HRG: variants seen among roughly 807,000 people sequenced by gnomAD.
HRG encodes the protein histidine rich glycoprotein, also known as histidine-rich glycoprotein.
HRG carries 26 observed loss-of-function variants against 29.5 expected under a neutral mutation model. The observed-to-expected ratio is 0.88, with a 90% confidence interval of 0.65 to 1.22. HRG has a LOEUF of 1.22. HRG is among the 50% of genes most tolerant of loss of function. HRG has a pLI of 0.00. For missense variants in HRG, 671 were observed against 654.5 expected (o/e 1.03, Z -0.28); for synonymous variants, 243 against 240.4 (o/e 1.01, Z -0.10).
intron 6 of HRG, among the ~76,000 whole-genome samples, chr3:186,676,038 T>G (rs1349152105): frequency 1.3e-5 from 2 of 151,980 alleles, no homozygotes; most frequent in East Asian, 3.9e-4. Flanking sequence ...CCTGGCTAAT[T>G]TTGCATTTTT....
intron 6 of HRG, among the ~76,000 whole-genome samples, chr3:186,676,290 T>C (rs1718986311): frequency 6.6e-6 from 1 of 152,098 alleles, no homozygotes; most frequent in Non-Finnish European, 1.5e-5. Flanking sequence ...ATATCAGTTA[T>C]AAGGCACTAG....
chr3:186,677,050 C>G lies in HRG; in HGVS notation c.745C>G (p.His249Asp). 1.2e-6 allele frequency: 2 copies of G among 1,614,074 alleles called. No individual in the cohort carries two copies. The highest frequency in any genetic ancestry group is 1.7e-6 in the Non-Finnish European group (2 of 1,179,940). Reference protein sequence around the residue: ...INCEVFDPQEHENINGVPPHL... With the variant: ...INCEVFDPQEDENINGVPPHL... ...ACTTTTCTGTGACCTTTTCCAGGAA[C>G]ATGAGAACATCAATGGTGTACCGCC... The change falls in exon 7 of 7, where the codon CAT (histidine) becomes GAT (aspartate). Residue 249 changes from histidine (H) to aspartate (D), a missense_variant. Coordinates refer to ENST00000232003, the MANE Select transcript of HRG (RefSeq NM_000412.5).
At chr3:186,676,888 A>G (rs1415315784) in intron 6 of HRG, 159 bp from the exon 7 acceptor site, 3 of 235,868 alleles carry the variant, frequency 1.3e-5, no homozygotes, top group African/African-American at 4.6e-5. Context: ...TTAAATATCA[A>G]CTGGGCTAGA....
intron 3 of HRG, among the ~76,000 whole-genome samples, chr3:186,670,300 C>T (rs1041307387): frequency 6.6e-6 from 1 of 152,040 alleles, no homozygotes; most frequent in Non-Finnish European, 1.5e-5. Context: ...GTAGGTTAGC[C>T]TCATTATAGA....
chr3:186,677,836 G>A lies in HRG; in HGVS notation c.1531G>A (p.Gly511Arg), dbSNP rs750006098. ...SESCPGKFKSGFPQVSMFFTH... is the reference protein window; with the variant it reads ...SESCPGKFKSRFPQVSMFFTH... Reference sequence around the variant, plus strand: ...ATCATGTCCAGGGAAGTTCAAGAGTGGGTTTCCACAAGTTTCCATGTTTTT... The same window carrying A: ...ATCATGTCCAGGGAAGTTCAAGAGTAGGTTTCCACAAGTTTCCATGTTTTT... The change falls in exon 7 of 7, where the codon GGG (glycine) becomes AGG (arginine). Residue 511 changes from glycine (G) to arginine (R), a missense_variant. By Grantham distance (125) the Gly-to-Arg change is moderately radical. Transcript: ENST00000232003. 6.2e-7 allele frequency: 1 copy of A among 1,614,064 alleles called. No homozygotes were observed. The highest frequency in any genetic ancestry group is 1.1e-5 in the South Asian group (1 of 91,074).
rs10770 is a variant in HRG, at chr3:186,671,770, T to C, written c.539T>C (p.Ile180Thr). 202,863 of 1,613,262 alleles carry C rather than the reference T, an allele frequency of 0.13. 13,574 individuals are homozygous for C. Among genetic ancestry groups the C allele is most frequent in the African/African-American group, 0.22 (16,439 of 74,896 alleles). Residue 180 changes from isoleucine to threonine, a missense_variant, in exon 4 of 7, where the codon ATC (isoleucine) becomes ACC (threonine). Ile to Thr is a moderately conservative substitution (Grantham distance 89). Coordinates refer to ENST00000232003, the MANE Select transcript of HRG (RefSeq NM_000412.5). Reference sequence around the variant, plus strand: ...TTTGCCTCTTTCAGAGTGGACCGAATCGAGAGAGTTGCAAGAGTGGTGAGT... The same window carrying C: ...TTTGCCTCTTTCAGAGTGGACCGAACCGAGAGAGTTGCAAGAGTGGTGAGT... The part of the protein sequence containing the change: ...DDFASFRVDR[I>T]ERVARVRGGE...
chr3:186,672,489 A>G (rs1718833235), intron 4 of HRG, among the ~76,000 whole-genome samples: 2 of 152,198 alleles, frequency 1.3e-5, no homozygotes, highest in Admixed American at 1.3e-4. Context: ...TCGAAGAGGA[A>G]ACACATCAAA....
intron 6 of HRG, 90 bp downstream of exon 6, chr3:186,675,280 AGT>A (rs1167538681): frequency 1.7e-6 from 1 of 573,048 alleles, no homozygotes; most frequent in East Asian, 4.3e-5. Flanking sequence ...AAGCTCTATG[AGT>A]GGGTGTGTGT....
chr3:186,673,258 C>T (rs1718864776), intron 5 of HRG: 2 of 307,996 alleles, frequency 6.5e-6, no homozygotes, highest in Non-Finnish European at 1.3e-5. Context: ...CATGCACCAC[C>T]ACGCCCAGCT....
rs1395108947 is a variant in HRG at position 186,666,247 on chromosome 3, G to A, written c.183+33G>A. 5.6e-6 allele frequency: 9 copies of A among 1,609,008 alleles called. No individual in the cohort carries two copies. The Admixed American group carries it at 1.3e-4, about 24-fold the overall frequency. ...ATTGCCAATGGCAGAGCTGAGTTGG[G>A]AGATTACTCACGGGGGCAAATGTGA... On this transcript the variant is annotated intron_variant, in intron 1 of 6. Transcript: ENST00000232003.
At chr3:186,669,864 TG>T (rs1447267683) in intron 2 of HRG, 73 bp from the exon 3 acceptor site, 1 of 795,668 alleles carries the variant, frequency 1.3e-6, no homozygotes, top group African/African-American at 1.7e-5. Flanking sequence ...ATCACCTTTT[TG>T]CTCTTTCATA....
rs745975225 is a variant in HRG, at chr3:186,671,801, C to T, written c.558+12C>T. On this transcript the variant is annotated intron_variant, in intron 4 of 6. Transcript: ENST00000232003. ...GAGTTGCAAGAGTGGTGAGTCTCCACTAAGGTTCGGTTGGAGTCTGAAGGC... is the reference window on the plus strand; with the variant it reads ...GAGTTGCAAGAGTGGTGAGTCTCCATTAAGGTTCGGTTGGAGTCTGAAGGC... 1.2e-6 allele frequency: 2 copies of T among 1,613,152 alleles called. No individual in the cohort carries two copies. The highest frequency in any genetic ancestry group is 2.7e-5 in the African/African-American group (2 of 74,984).
rs1039481155 is a variant in HRG, at chr3:186,677,522, C to A, written c.1217C>A (p.Pro406His). ...GGACACCATCCCCATGGACACCATC[C>A]CCACTGCCATGATTTCCAAGACTAT... ...PHGHHPHGHH[P>H]HCHDFQDYGP... is the part of the protein sequence containing the mutation. The change falls in exon 7 of 7, where the codon CCC (proline) becomes CAC (histidine). Residue 406 changes from proline to histidine, a missense_variant. By Grantham distance (77) the Pro-to-His change is moderately conservative. Coordinates refer to ENST00000232003, the MANE Select transcript of HRG (RefSeq NM_000412.5). 1.2e-6 allele frequency: 2 copies of A among 1,609,658 alleles called. No individual in the cohort carries two copies. The highest frequency in any genetic ancestry group is 2.7e-5 in the African/African-American group (2 of 74,914).
Position 186,669,137 on chromosome 3 carries a change from C to T in HRG, c.300+86C>T, listed in dbSNP as rs1054526480. Reference sequence around the variant, plus strand: ...CACTCAGCCAATGCCTGGGCTAACACAGTAGAAGAGAAAGGGCAGCTTTTG... The same window carrying T: ...CACTCAGCCAATGCCTGGGCTAACATAGTAGAAGAGAAAGGGCAGCTTTTG... On this transcript the variant is annotated intron_variant, in intron 2 of 6. Transcript: ENST00000232003. 4 of 832,284 alleles carry T rather than the reference C, an allele frequency of 4.8e-6. No individual in the cohort carries two copies. In the Admixed American group the frequency reaches 6.8e-5, roughly 14 times the overall value. The allele number at this position is 832,284 out of a possible 1,614,324, so 51.6% of individuals were successfully genotyped here.
chr3:186,668,527 T>C (rs1718681288), intron 1 of HRG: 5 of 207,836 alleles, frequency 2.4e-5, no homozygotes, highest in Admixed American at 5.3e-5. Flanking sequence ...GGATTTAGCT[T>C]TGGGCAAAGC....
intron 6 of HRG, among the ~76,000 whole-genome samples, chr3:186,676,534 G>A (rs1718996302): frequency 6.6e-6 from 1 of 151,810 alleles, no homozygotes; most frequent in African/African-American, 2.4e-5. Flanking sequence ...CAGCACTTTG[G>A]GAAGCTGAGA....
Position 186,678,040 on chromosome 3 carries a change from G to T in HRG, c.*157G>T. 1.4e-6 allele frequency: 1 copy of T among 729,634 alleles called. No homozygotes were observed. Among genetic ancestry groups the T allele is most frequent in the Non-Finnish European group, 2.3e-6 (1 of 441,444 alleles). 45.2% of individuals were successfully genotyped at this position (729,634 alleles called of 1,614,324 possible). Reference sequence around the variant, plus strand: ...GGAAAAGAGATGGCCTGAGAAGAGAGATCAAATGGAAAGGAGAGGAAAGAA... The same window carrying T: ...GGAAAAGAGATGGCCTGAGAAGAGATATCAAATGGAAAGGAGAGGAAAGAA... On this transcript the variant is annotated 3_prime_UTR_variant, in exon 7 of 7. Transcript: ENST00000232003.
At position 186,675,088 on chromosome 3, in the gene HRG, G is replaced by T; in HGVS notation, c.640-1G>T. The T allele has an allele frequency of 6.2e-7, 1 of 1,607,964 alleles. No homozygotes were observed. The highest frequency in any genetic ancestry group is 1.1e-5 in the South Asian group (1 of 90,942). Reference sequence around the variant, plus strand: ...ACTAACAGCTCCTCATTCCTTTGTAGGTCTTTGGATTCTGCAGAGCAGATT... The same window carrying T: ...ACTAACAGCTCCTCATTCCTTTGTATGTCTTTGGATTCTGCAGAGCAGATT... On this transcript the variant is annotated splice_acceptor_variant, in intron 5 of 6. Coordinates refer to ENST00000232003, the MANE Select transcript of HRG (RefSeq NM_000412.5). LOFTEE classifies it high-confidence loss of function.
rs370234178 is a variant in HRG, at chr3:186,669,038, G to A, written c.287G>A (p.Arg96His). Residue 96 changes from arginine to histidine, a missense_variant, in exon 2 of 7, where the codon CGT (arginine) becomes CAT (histidine). Transcript: ENST00000232003. ...WNDCEPPDSRRPSEIVIGQCK... is the reference protein window; with the variant it reads ...WNDCEPPDSRHPSEIVIGQCK... The stretch of plus-strand genomic sequence containing the variant: ...GACTGTGAGCCACCTGATTCCAGAC[G>A]TCCATCTGAAATAGTAAGTAAAGAG... 1.1e-5 allele frequency: 17 copies of A among 1,587,892 alleles called. No homozygotes were observed. The highest frequency in any genetic ancestry group is 5.0e-5 in the Admixed American group (3 of 59,982).
Sources: gnomAD v4.1 joint callset for allele counts (sites outside exome capture counted in the v4.1 genomes callset) on GRCh38, gnomAD v4.1.1 for gene constraint, MANE v1.5 for transcripts, NCBI Gene and HGNC (gene_info 2026-07-23, HGNC 2026-07-21) for gene names.